The following IDE variants were observed in gnomAD, a reference collection of about 807,000 sequenced individuals.
IDE encodes the protein insulin-degrading enzyme.
A neutral mutation model predicts 133.2 loss-of-function variants in IDE; 58 were observed. That is an observed-to-expected ratio of 0.44 (90% CI 0.35 to 0.54). The LOEUF (loss-of-function observed/expected upper bound fraction) is 0.54, where lower values mean the gene tolerates loss of function less well. Ranked by LOEUF, IDE falls within the 20% of genes least tolerant of loss-of-function variation. IDE has a pLI of 0.00. For synonymous variants in IDE, 396 were observed against 421.3 expected (o/e 0.94, Z 0.73); for missense variants, 981 against 1,234.0 (o/e 0.79, Z 3.07).
chr10:92,525,607 C>T (rs1849581043), intron 4 of IDE, among the ~76,000 whole-genome samples: 1 of 152,026 alleles, frequency 6.6e-6, no homozygotes, highest in African/African-American at 2.4e-5. Flanking sequence ...TGTTCGTAGA[C>T]AACATAATCT....
intron 11 of IDE, among the ~76,000 whole-genome samples, chr10:92,495,306 C>T (rs1423051182): frequency 6.6e-6 from 1 of 151,522 alleles, no homozygotes; most frequent in Non-Finnish European, 1.5e-5. Context: ...CCACAACCTC[C>T]GCCTCCTGGA....
intron 1 of IDE, among the ~76,000 whole-genome samples, chr10:92,551,706 G>GGGGAAA (rs1242707959): frequency 2.6e-5 from 4 of 152,106 alleles, no homozygotes; most frequent in Non-Finnish European, 5.9e-5. Flanking sequence ...TCTGAAGGGA[G>GGGGAAA]GGGAAATGGT....
intron 22 of IDE, among the ~76,000 whole-genome samples, chr10:92,457,448 T>C (rs182296724): frequency 5.5e-4 from 83 of 151,964 alleles, no homozygotes; most frequent in Non-Finnish European, 8.7e-4. Flanking sequence ...TAGGTGATGG[T>C]GTCAGAAGCT....
intron 4 of IDE, among the ~76,000 whole-genome samples, chr10:92,527,914 G>A (rs1849711597): frequency 6.6e-6 from 1 of 152,208 alleles, no homozygotes; most frequent in Non-Finnish European, 1.5e-5. Flanking sequence ...TACTTGGGGA[G>A]CTGAGACAGG....
At chr10:92,471,006 C>A (rs1403354001) in intron 17 of IDE, among the ~76,000 whole-genome samples, 1 of 150,510 alleles carries the variant, frequency 6.6e-6, no homozygotes, top group Admixed American at 6.6e-5. Context: ...AGCCCACTTG[C>A]CCATCTACAC....
At position 92,506,500 on chromosome 10, in the gene IDE, C is replaced by T; in HGVS notation, c.1268G>A (p.Arg423Lys). Residue 423 changes from arginine (R) to lysine (K), a missense_variant, in exon 10 of 25, where the codon AGG becomes AAG. Arg to Lys is a conservative substitution (Grantham distance 26). Transcript: ENST00000265986. ...ECKDLNAVAF[R>K]FKDKERPRGY... is the part of the protein sequence containing the mutation. Reference sequence around the variant, plus strand: ...CCGTGGCCTCTCTTTGTCTTTAAACCTAAAAGCAACAGCATTCAAGTCCTA... The same window carrying T: ...CCGTGGCCTCTCTTTGTCTTTAAACTTAAAAGCAACAGCATTCAAGTCCTA... 6.3e-7 allele frequency: 1 copy of T among 1,580,524 alleles called. No homozygotes were observed. The highest frequency in any genetic ancestry group is 8.7e-7 in the Non-Finnish European group (1 of 1,151,412).
At chr10:92,472,858 G>A (rs187663543) in intron 17 of IDE, among the ~76,000 whole-genome samples, 4 of 151,428 alleles carry the variant, frequency 2.6e-5, no homozygotes, top group East Asian at 1.9e-4. Context: ...GAATGGTCTC[G>A]ATCTCTTGAC....
intron 1 of IDE, among the ~76,000 whole-genome samples, chr10:92,555,127 T>G (rs1842949491): frequency 6.6e-6 from 1 of 152,190 alleles, no homozygotes; most frequent in African/African-American, 2.4e-5. Context: ...GGAACAAGCA[T>G]GACAAGGATG....
intron 13 of IDE, among the ~76,000 whole-genome samples, chr10:92,485,258 G>T (rs1163168710): frequency 2.0e-5 from 3 of 151,200 alleles, no homozygotes; most frequent in Non-Finnish European, 4.4e-5. Context: ...CTCCTGAGTA[G>T]CTGGGATAAG....
intron 20 of IDE, among the ~76,000 whole-genome samples, chr10:92,464,977 T>G (rs1324739024): frequency 6.6e-6 from 1 of 152,242 alleles, no homozygotes. Context: ...GCCAATAGTT[T>G]GAGCTCTTAT....
At chr10:92,565,076 T>C (rs1173627537) in intron 1 of IDE, among the ~76,000 whole-genome samples, 1 of 151,548 alleles carries the variant, frequency 6.6e-6, no homozygotes, top group Admixed American at 6.6e-5. Context: ...TGAAACCCCA[T>C]CTCTACTAAA....
At chr10:92,462,259 A>G (rs1004442157) in intron 21 of IDE, among the ~76,000 whole-genome samples, 6 of 148,826 alleles carry the variant, frequency 4.0e-5, no homozygotes, top group African/African-American at 1.5e-4. Flanking sequence ...CAGAGGTTGC[A>G]GTGAGCCAAG....
At chr10:92,526,992 T>C (rs1228813894) in intron 4 of IDE, among the ~76,000 whole-genome samples, 1 of 152,112 alleles carries the variant, frequency 6.6e-6, no homozygotes, top group East Asian at 1.9e-4. Context: ...GCTTTTTGTG[T>C]CTCTTTTGAA....
chr10:92,455,405 A>G (rs1844938477), intron 24 of IDE, among the ~76,000 whole-genome samples, 171 bp downstream of exon 24: 1 of 152,080 alleles, frequency 6.6e-6, no homozygotes, highest in Admixed American at 6.6e-5. Context: ...GAACCCAAGA[A>G]GTGGAGGTTG....
intron 4 of IDE, among the ~76,000 whole-genome samples, chr10:92,524,423 A>T (rs1849450339): frequency 1.1e-5 from 1 of 92,188 alleles, no homozygotes; most frequent in Non-Finnish European, 2.0e-5. Flanking sequence ...TATATTATAT[A>T]TAATATATTT....
intron 1 of IDE, among the ~76,000 whole-genome samples, chr10:92,539,859 A>G (rs1199672423): frequency 6.6e-6 from 1 of 152,198 alleles, no homozygotes; most frequent in Non-Finnish European, 1.5e-5. Context: ...AAGTCTAAAA[A>G]ATGGTGTTTG....
intron 11 of IDE, among the ~76,000 whole-genome samples, chr10:92,504,354 A>G (rs1224247725): frequency 9.2e-5 from 14 of 152,180 alleles, no homozygotes; most frequent in Non-Finnish European, 7.3e-5. Context: ...CTGGTCAATC[A>G]GGAGGATTCT....
intron 5 of IDE, among the ~76,000 whole-genome samples, chr10:92,510,619 A>ATG (rs567963890): frequency 7.9e-5 from 12 of 151,732 alleles, no homozygotes; most frequent in South Asian, 2.1e-4. Flanking sequence ...CACATTTTAT[A>ATG]TGTGTGTGTG....
intron 5 of IDE, 114 bp from the exon 6 acceptor site, chr10:92,510,276 T>A: frequency 2.0e-6 from 1 of 510,958 alleles, no homozygotes; most frequent in East Asian, 3.0e-5. Flanking sequence ...AAGGAAAATG[T>A]GAAAATGATT....
Sources: allele counts gnomAD v4.1 joint callset (sites outside exome capture counted in the v4.1 genomes callset), GRCh38; gene constraint gnomAD v4.1.1; transcripts MANE v1.5; gene names NCBI Gene and HGNC (gene_info 2026-07-23, HGNC 2026-07-21).